HEATR4: variants seen among roughly 807,000 people sequenced by gnomAD.
The protein encoded by HEATR4 is HEAT repeat-containing protein 4.
Under a neutral mutation model 108.8 loss-of-function variants are expected in HEATR4, and 95 were observed. The observed-to-expected ratio is 0.87, with a 90% CI of 0.74 to 1.04. The LOEUF is 1.04. Ranked by LOEUF, HEATR4 falls within the 50% of genes least tolerant of loss-of-function variation. HEATR4 has a pLI of 0.00. For synonymous variants in HEATR4, 443 were observed against 459.4 expected (o/e 0.96, Z 0.46); for missense variants, 1,152 against 1,253.8 (o/e 0.92, Z 1.23).
the HEATR4 span, among the ~76,000 whole-genome samples, chr14:73,593,109 C>T: frequency 6.6e-6 from 1 of 152,188 alleles, no homozygotes; most frequent in African/African-American, 2.4e-5. Flanking sequence ...ATGTCGTCTT[C>T]TCTAGTGTTC....
chr14:73,559,864 C>A (rs11624911), upstream of HEATR4, among the ~76,000 whole-genome samples: 20,850 of 152,026 alleles, frequency 0.14, 2,182 homozygotes, highest in Non-Finnish European at 0.21. Context: ...TTCTGGCAGG[C>A]GTCAGATTAC....
At chr14:73,612,627 T>C in the HEATR4 span, 3 of 1,409,736 alleles carry the variant, frequency 2.1e-6, no homozygotes, top group South Asian at 2.9e-5. Flanking sequence ...GACGAGCCGC[T>C]GCGCATCGCA....
intron 1 of HEATR4, among the ~76,000 whole-genome samples, chr14:73,553,910 C>T (rs1180668672): frequency 1.7e-5 from 2 of 115,682 alleles, no homozygotes; most frequent in African/African-American, 5.6e-5. Flanking sequence ...TGAAGTGTTA[C>T]CTGGCCTTCT....
intron 11 of HEATR4, among the ~76,000 whole-genome samples, chr14:73,502,041 G>C (rs373102547): frequency 6.6e-6 from 1 of 150,822 alleles, no homozygotes; most frequent in African/African-American, 2.4e-5. Flanking sequence ...CACTGCGCCC[G>C]GCCAATTTTT....
Position 73,555,528 on chromosome 14 carries a change from G to A in HEATR4, c.-152+3223C>T, listed in dbSNP as rs1317205643. On this transcript the variant is annotated intron_variant, in intron 1 of 17. Transcript: ENST00000553558. The stretch of plus-strand genomic sequence containing the variant: ...TGTTAAGAGGAGTTCCTCACTGGTT[G>A]AGTATGAATGGTCAAATGAAAAGAA... Among the ~76,000 whole-genome samples, 4 of 114,806 alleles carry A rather than the reference G, an allele frequency of 3.5e-5. 2 individuals carry two copies. The highest frequency in any genetic ancestry group is 7.7e-5 in the Non-Finnish European group (4 of 52,266). 75.3% of individuals were successfully genotyped at this position (114,806 alleles called of 152,430 possible).
At chr14:73,559,797 C>T (rs1317899196), upstream of HEATR4, among the ~76,000 whole-genome samples, 2 of 152,024 alleles carry the variant, frequency 1.3e-5, no homozygotes, top group Non-Finnish European at 2.9e-5. Flanking sequence ...ATTCTCCCAC[C>T]ACAAGGGTTT....
chr14:73,493,124 T>G lies in HEATR4; in HGVS notation c.2786A>C (p.Asp929Ala), dbSNP rs994599270. The G allele has an allele frequency of 1.9e-6, 3 of 1,612,708 alleles. No individual in the cohort carries two copies. The highest frequency in any genetic ancestry group is 2.5e-6 in the Non-Finnish European group (3 of 1,179,592). ...AGGTCTTCTAGGAAGAACCATCTCATCTAGGTACAAAAGGAAAAGGAGAAG... is the reference window on the plus strand; with the variant it reads ...AGGTCTTCTAGGAAGAACCATCTCAGCTAGGTACAAAAGGAAAAGGAGAAG... ...LQTLLQETFQ[D>A]EMVLPRRPSE... Residue 929 changes from aspartate to alanine, a missense_variant and splice_region_variant, in exon 17 of 18, where the codon GAT (aspartate) becomes GCT (alanine). Coordinates refer to ENST00000553558, the MANE Select transcript of HEATR4 (RefSeq NM_001220484.1).
rs1432664253 is a variant in HEATR4 at position 73,550,263 on chromosome 14, C to T, written c.-152+8488G>A. The stretch of plus-strand genomic sequence containing the variant: ...AGGGAGTGACCGTGTTCTCGGGATG[C>T]AGCGACCATGGCACCCATACAGTCA... On this transcript the variant is annotated intron_variant, in intron 1 of 17. Coordinates refer to ENST00000553558, the MANE Select transcript of HEATR4 (RefSeq NM_001220484.1). Among the ~76,000 whole-genome samples the T allele has an allele frequency of 1.1e-4, 12 of 113,176 alleles. 1 individual carries two copies. The highest frequency in any genetic ancestry group is 2.9e-4 in the African/African-American group (10 of 34,576). 74.2% of individuals were successfully genotyped at this position (113,176 alleles called of 152,430 possible). A position where few individuals can be genotyped will look rare whatever the true frequency, so the allele number is the denominator to read the frequency against.
At chr14:73,510,735 TTTGGCTGCAG>T (rs1478866835) in intron 7 of HEATR4, among the ~76,000 whole-genome samples, 2 of 152,068 alleles carry the variant, frequency 1.3e-5, no homozygotes, top group Non-Finnish European at 2.9e-5. Flanking sequence ...CACACCTGGC[TTTGGCTGCAG>T]TTCTTGAGGC....
the HEATR4 span, among the ~76,000 whole-genome samples, chr14:73,614,584 A>G: frequency 3.3e-5 from 5 of 151,628 alleles, no homozygotes; most frequent in African/African-American, 1.2e-4. Flanking sequence ...TACTAATTAT[A>G]TAATACAAAA....
chr14:73,549,403 A>G (rs995742699), intron 1 of HEATR4, among the ~76,000 whole-genome samples: 3 of 124,528 alleles, frequency 2.4e-5, no homozygotes, highest in African/African-American at 8.1e-5. Context: ...GCTTCAATGT[A>G]TTAGTTATTA....
chr14:73,544,308 T>A lies in HEATR4; in HGVS notation c.-151-14064A>T, dbSNP rs1348415596. Among the ~76,000 whole-genome samples the A allele has an allele frequency of 3.5e-4, 40 of 114,342 alleles. 10 individuals are homozygous for A. The highest frequency in any genetic ancestry group is 5.3e-4 in the Non-Finnish European group (28 of 52,442). The allele number at this position is 114,342 out of a possible 152,430, so 75.0% of individuals were successfully genotyped here. A position where few individuals can be genotyped will look rare whatever the true frequency, so the allele number is the denominator to read the frequency against. On this transcript the variant is annotated intron_variant, in intron 1 of 17. Transcript: ENST00000553558. ...GACTATGCCTCAAAAATAAATAAATTAATTAAATAAATAAATGATTACCTA... is the reference window on the plus strand; with the variant it reads ...GACTATGCCTCAAAAATAAATAAATAAATTAAATAAATAAATGATTACCTA...
the HEATR4 span, chr14:73,592,476 C>T: frequency 6.9e-7 from 1 of 1,440,978 alleles, no homozygotes; most frequent in Non-Finnish European, 9.1e-7. Context: ...CGTTTGTTTC[C>T]AGTGCTGATT....
the HEATR4 span, among the ~76,000 whole-genome samples, chr14:73,607,870 C>T: frequency 4.6e-5 from 7 of 151,998 alleles, no homozygotes; most frequent in East Asian, 1.4e-3. Context: ...GTGATCCACC[C>T]ACCTCGGCCT....
At chr14:73,509,229 A>G (rs1216128822) in intron 8 of HEATR4, 83 bp downstream of exon 8, 1 of 1,305,002 alleles carries the variant, frequency 7.7e-7, no homozygotes, top group East Asian at 2.3e-5. Context: ...AGAGCATCAC[A>G]GTGGAGAGGA....
At position 73,502,901 on chromosome 14, in the gene HEATR4, A is replaced by T. The variant is rs775676644; in HGVS notation, c.2099T>A (p.Ile700Lys). ...CATGTTGACTGGGTCTTACCTGATT[A>T]TGTCGTGCACCTCTTTCCCGAGGCT... ...QMSLGKEVHD[I>K]IRVKLGQGNS... is the part of the protein sequence containing the mutation. Residue 700 changes from isoleucine (I) to lysine (K), a missense_variant, in exon 11 of 18, where the codon ATA becomes AAA. Coordinates refer to ENST00000553558, the MANE Select transcript of HEATR4 (RefSeq NM_001220484.1). The T allele has an allele frequency of 2.5e-6, 4 of 1,611,178 alleles. No homozygotes were observed. The South Asian group carries it at 4.4e-5, about 18-fold the overall frequency.
At chr14:73,571,967 A>C in the HEATR4 span, among the ~76,000 whole-genome samples, 1 of 151,646 alleles carries the variant, frequency 6.6e-6, no homozygotes, top group Non-Finnish European at 1.5e-5. Flanking sequence ...AAAATAAAAC[A>C]ACAGAGTACA....
the HEATR4 span, among the ~76,000 whole-genome samples, chr14:73,597,654 C>G: frequency 1.5e-5 from 2 of 134,302 alleles, no homozygotes; most frequent in South Asian, 4.7e-4. Flanking sequence ...AGTGCAATAG[C>G]ACAATCTCGG....
chr14:73,578,631 C>T, the HEATR4 span, among the ~76,000 whole-genome samples: 1 of 152,000 alleles, frequency 6.6e-6, no homozygotes, highest in African/African-American at 2.4e-5. Flanking sequence ...ATTAAACTAA[C>T]ATGCTCCATA....
Sources: allele counts gnomAD v4.1 joint callset (sites outside exome capture counted in the v4.1 genomes callset), GRCh38; gene constraint gnomAD v4.1.1; transcripts MANE v1.5; gene names NCBI Gene and HGNC (gene_info 2026-07-23, HGNC 2026-07-21).